ANKRD36: variants seen among roughly 807,000 people sequenced by gnomAD.
The protein encoded by ANKRD36 is ankyrin repeat domain-containing protein 36A.
In ANKRD36, 179 loss-of-function variants were observed where a neutral mutation model predicts 278.1. That is an observed-to-expected ratio of 0.64 (90% CI 0.57 to 0.73). ANKRD36 has a LOEUF of 0.73. ANKRD36 is among the 30% of genes least tolerant of loss of function. ANKRD36 has a pLI of 0.00. For synonymous variants in ANKRD36, 320 were observed against 641.1 expected (o/e 0.50, Z 7.57); for missense variants, 1,159 against 1,956.7 (o/e 0.59, Z 7.69).
Position 97,118,465 on chromosome 2 carries a change from C to T in ANKRD36, c.434C>T (p.Ser145Phe). 1 of 1,603,798 alleles carries T rather than the reference C, an allele frequency of 6.2e-7. No homozygotes were observed. The highest frequency in any genetic ancestry group is 8.5e-7 in the Non-Finnish European group (1 of 1,176,832). Residue 145 changes from serine (S) to phenylalanine (F), a missense_variant, in exon 3 of 76, where the codon TCC becomes TTC. By Grantham distance (155) the Ser-to-Phe change is radical. Transcript: ENST00000420699. ...LHYAVYNEDT[S>F]MIEKLLSHGT... is the part of the protein sequence containing the mutation. ...TACGCTGTGTATAATGAAGATACAT[C>T]CATGATAGAAAAACTTCTTTCACAT...
chr2:97,179,376 CA>C (rs1157776182), intron 22 of ANKRD36, among the ~76,000 whole-genome samples: 1 of 151,622 alleles, frequency 6.6e-6, no homozygotes, highest in Non-Finnish European at 1.5e-5. Flanking sequence ...ATGCGTGTAT[CA>C]CCTGCTTTGA....
At chr2:97,260,290 C>G (rs1236617616) in intron 75 of ANKRD36, among the ~76,000 whole-genome samples, 1 of 113,334 alleles carries the variant, frequency 8.8e-6, no homozygotes, top group Non-Finnish European at 1.7e-5. Context: ...ATTTGTACAA[C>G]TCCATCAGAG....
intron 52 of ANKRD36, among the ~76,000 whole-genome samples, chr2:97,207,435 A>G (rs1002863091): frequency 1.3e-5 from 2 of 151,506 alleles, no homozygotes; most frequent in Non-Finnish European, 3.0e-5. Flanking sequence ...TATTTCCTGC[A>G]TGAAAGACAT....
chr2:97,198,424 T>G (rs1226660202), intron 42 of ANKRD36, 39 bp from the exon 43 acceptor site: 1 of 1,566,874 alleles, frequency 6.4e-7, no homozygotes, highest in East Asian at 2.4e-5. Context: ...TTTTGTCGTT[T>G]TTACATATGA....
intron 66 of ANKRD36, among the ~76,000 whole-genome samples, chr2:97,220,742 T>TTTTTTTAA: frequency 1.4e-5 from 2 of 144,164 alleles, no homozygotes; most frequent in Non-Finnish European, 3.0e-5. Flanking sequence ...TTTTTTTTTT[T>TTTTTTTAA]TTTTTAATTT....
At chr2:97,187,252 G>A in intron 31 of ANKRD36, 26 bp downstream of exon 31, 2 of 1,609,066 alleles carry the variant, frequency 1.2e-6, no homozygotes, top group African/African-American at 1.3e-5. Flanking sequence ...TTTATATTGT[G>A]AACTAGTAAA....
At chr2:97,212,635 A>G (rs1323682068) in intron 58 of ANKRD36, 1 of 153,688 alleles carries the variant, frequency 6.5e-6, no homozygotes, top group Non-Finnish European at 1.4e-5. Context: ...TTCAATGAAT[A>G]TTTGATTGAT....
chr2:97,198,643 GA>G lies in ANKRD36; in HGVS notation c.2746del (p.Thr916LeufsTer25). On this transcript the variant is annotated frameshift_variant, in exon 44 of 76. Coordinates refer to ENST00000420699, the MANE Select transcript of ANKRD36 (RefSeq NM_001354587.1). LOFTEE classifies it high-confidence loss of function. ...LNIARGKKDG[E>X]KTKRVSSRKK... ...TATAGCCAGAGGAAAAAAGGATGGA[GA>G]AAAAACTAAGAGAGGTAATTTTGAA... 1 of 1,542,750 alleles carries G rather than the reference GA, an allele frequency of 6.5e-7. No individual in the cohort carries two copies. Among genetic ancestry groups the G allele is most frequent in the African/African-American group, 1.4e-5 (1 of 72,842 alleles).
intron 67 of ANKRD36, among the ~76,000 whole-genome samples, chr2:97,226,167 A>G (rs1252113182): frequency 2.0e-5 from 3 of 151,376 alleles, no homozygotes; most frequent in Non-Finnish European, 4.4e-5. Context: ...GTCAAATGGT[A>G]TTTCTAGTTC....
rs949578208 is a variant in ANKRD36, at chr2:97,196,516, T to C, written c.2552-77T>C. On this transcript the variant is annotated intron_variant, in intron 40 of 75. Transcript: ENST00000420699. Reference sequence around the variant, plus strand: ...ATACAGGCAGGAGGACAGAGGTTGATGCTAACTCTGCTTGAATGTATGGAT... The same window carrying C: ...ATACAGGCAGGAGGACAGAGGTTGACGCTAACTCTGCTTGAATGTATGGAT... The C allele has an allele frequency of 1.5e-5, 24 of 1,589,972 alleles. No homozygotes were observed. In the African/African-American group the frequency reaches 2.8e-4, roughly 19 times the overall value.
At chr2:97,199,273 A>C (rs1338763986) in intron 44 of ANKRD36, among the ~76,000 whole-genome samples, 1 of 151,936 alleles carries the variant, frequency 6.6e-6, no homozygotes, top group East Asian at 1.9e-4. Flanking sequence ...GCAGGAAACA[A>C]TGGTATAATT....
At chr2:97,134,560 G>A (rs1223387634) in intron 6 of ANKRD36, among the ~76,000 whole-genome samples, 1 of 151,950 alleles carries the variant, frequency 6.6e-6, no homozygotes, top group Non-Finnish European at 1.5e-5. Flanking sequence ...TTTCTTTGAG[G>A]GATCACTTTG....
chr2:97,260,537 AT>A (rs2076633756), intron 75 of ANKRD36, among the ~76,000 whole-genome samples: 1 of 125,160 alleles, frequency 8.0e-6, no homozygotes, highest in African/African-American at 2.9e-5. Flanking sequence ...TTGTTGTTTC[AT>A]TTATAGAGTA....
At position 97,189,366 on chromosome 2, in the gene ANKRD36, G is replaced by A. The variant is rs1575549958; in HGVS notation, c.2245+76G>A. 9 of 627,982 alleles carry A rather than the reference G, an allele frequency of 1.4e-5. 3 individuals are homozygous for A. Among genetic ancestry groups the A allele is most frequent in the South Asian group, 5.8e-5 (4 of 69,084 alleles). 38.9% of individuals were successfully genotyped at this position (627,982 alleles called of 1,614,324 possible). ...ACTTCTCTACCCCGAATAAATCAGC[G>A]GAGGGTGGGTGGGGGGCTCGCCTAA... On this transcript the variant is annotated intron_variant, in intron 34 of 75. Transcript: ENST00000420699.
rs71429317 is a variant in ANKRD36 at position 97,142,197 on chromosome 2, G to A, written c.800-443G>A. On this transcript the variant is annotated intron_variant, in intron 6 of 75. Transcript: ENST00000420699. ...GTAATTGTGTACCTTCTCAGTTATCGGGCAAGTTAAAGAGCATGATGAATG... is the reference window on the plus strand; with the variant it reads ...GTAATTGTGTACCTTCTCAGTTATCAGGCAAGTTAAAGAGCATGATGAATG... Among the ~76,000 whole-genome samples, 8 of 152,388 alleles carry A rather than the reference G, an allele frequency of 5.2e-5. No individual in the cohort carries two copies. In the East Asian group the frequency reaches 5.8e-4, roughly 11 times the overall value.
At chr2:97,202,922 G>A (rs1257681477) in intron 48 of ANKRD36, among the ~76,000 whole-genome samples, 2 of 151,734 alleles carry the variant, frequency 1.3e-5, no homozygotes, top group African/African-American at 4.8e-5. Flanking sequence ...GGAAACCTGA[G>A]TGAACTCACT....
intron 22 of ANKRD36, among the ~76,000 whole-genome samples, chr2:97,178,610 T>C (rs1040856220): frequency 1.4e-5 from 2 of 143,092 alleles, no homozygotes; most frequent in African/African-American, 5.2e-5. Context: ...TTCTCACTCA[T>C]AGGTGGGAAT....
chr2:97,222,676 C>T (rs561571366), intron 66 of ANKRD36, among the ~76,000 whole-genome samples: 1,198 of 151,930 alleles, frequency 7.9e-3, no homozygotes, highest in Non-Finnish European at 0.011. Context: ...TGTTTCTAGC[C>T]AGAGGGAAAG....
At position 97,242,390 on chromosome 2, in the gene ANKRD36, C is replaced by T. The variant is rs1393335488; in HGVS notation, c.4307+911C>T. ...GATTAGCTTATTCAACATCTCTCTG[C>T]TATGTAGATAAAATTAATTCAGTTT... is the stretch of plus-strand genomic sequence containing the variant. On this transcript the variant is annotated intron_variant, in intron 69 of 75. Coordinates refer to ENST00000420699, the MANE Select transcript of ANKRD36 (RefSeq NM_001354587.1). Among the ~76,000 whole-genome samples the T allele has an allele frequency of 4.0e-5, 6 of 151,638 alleles. No homozygotes were observed. In the East Asian group the frequency reaches 1.2e-3, roughly 30 times the overall value.
Sources: allele counts gnomAD v4.1 joint callset (sites outside exome capture counted in the v4.1 genomes callset), GRCh38; gene constraint gnomAD v4.1.1; transcripts MANE v1.5; gene names NCBI Gene and HGNC (gene_info 2026-07-23, HGNC 2026-07-21).